Variants in RAP2A observed in about 807,000 individuals in gnomAD.
RAP2A encodes the protein RAP2A, member of RAS oncogene family.
Under a neutral mutation model 15.1 loss-of-function variants are expected in RAP2A, and 5 were observed. The ratio of observed to expected loss-of-function variants is 0.33; its 90% CI spans 0.17 to 0.70. The LOEUF (loss-of-function observed/expected upper bound fraction) is 0.70, where lower values mean the gene tolerates loss of function less well. Among genes scored for constraint, RAP2A ranks in the 30% least tolerant of loss-of-function variants. The probability of loss-of-function intolerance (pLI) is 0.68; values close to 1 mark genes in which losing one functional copy is unlikely to be tolerated. For missense variants in RAP2A, 111 were observed against 240.3 expected, an observed-to-expected ratio of 0.46 and a Z score of 3.56; for synonymous variants, 110 against 99.7, an observed-to-expected ratio of 1.10 and a Z score of -0.62.
intron 1 of RAP2A, among the ~76,000 whole-genome samples, chr13:97,441,570 A>T (rs2153179190): frequency 6.6e-6 from 1 of 152,226 alleles, no homozygotes; most frequent in African/African-American, 2.4e-5. Flanking sequence ...AGTACACTGT[A>T]CTTAAGGGAA....
intron 1 of RAP2A, chr13:97,437,145 T>C (rs1000632234): frequency 6.6e-6 from 1 of 152,246 alleles, no homozygotes; most frequent in Non-Finnish European, 1.5e-5. Context: ...ATGGAATTAA[T>C]TTTAATGTAT....
At chr13:97,462,062 ATATT>A (rs1000349999) in intron 1 of RAP2A, among the ~76,000 whole-genome samples, 8 of 142,590 alleles carry the variant, frequency 5.6e-5, no homozygotes, top group African/African-American at 2.1e-4. Context: ...ATTTATATAT[ATATT>A]TATATATTAT....
chr13:97,457,414 T>G (rs2066727696), intron 1 of RAP2A, among the ~76,000 whole-genome samples: 1 of 152,014 alleles, frequency 6.6e-6, no homozygotes, highest in Non-Finnish European at 1.5e-5. Flanking sequence ...ACAGTTATAG[T>G]TTCTATAAAA....
At chr13:97,459,742 C>G (rs1420693666) in intron 1 of RAP2A, among the ~76,000 whole-genome samples, 1 of 152,210 alleles carries the variant, frequency 6.6e-6, no homozygotes, top group East Asian at 1.9e-4. Flanking sequence ...CTGTGCTCCC[C>G]ACCCACCACC....
intron 1 of RAP2A, among the ~76,000 whole-genome samples, chr13:97,446,712 G>A (rs946977690): frequency 6.6e-6 from 1 of 152,146 alleles, no homozygotes; most frequent in Non-Finnish European, 1.5e-5. Context: ...GGAGAGGCCC[G>A]GAGGCTAGAT....
chr13:97,451,970 T>A (rs1316488499), intron 1 of RAP2A, among the ~76,000 whole-genome samples: 1 of 151,372 alleles, frequency 6.6e-6, no homozygotes, highest in Non-Finnish European at 1.5e-5. Context: ...TTGTCCATTT[T>A]AAAAATTGGA....
chr13:97,455,219 A>G (rs1409639235), intron 1 of RAP2A, among the ~76,000 whole-genome samples: 2 of 151,426 alleles, frequency 1.3e-5, no homozygotes, highest in East Asian at 1.9e-4. Context: ...TTTATCTCAG[A>G]TATTACAGTT....
intron 1 of RAP2A, among the ~76,000 whole-genome samples, chr13:97,457,607 A>G (rs968066952): frequency 1.3e-5 from 2 of 152,052 alleles, no homozygotes; most frequent in African/African-American, 4.8e-5. Flanking sequence ...CATTAATATG[A>G]TACATATTAT....
chr13:97,438,205 A>T (rs187321823), intron 1 of RAP2A, among the ~76,000 whole-genome samples: 2 of 152,196 alleles, frequency 1.3e-5, no homozygotes, highest in Non-Finnish European at 2.9e-5. Flanking sequence ...TGGTCCTGAC[A>T]TGAAGTTCTT....
chr13:97,447,866 C>T (rs928359186), intron 1 of RAP2A, among the ~76,000 whole-genome samples: 3 of 152,176 alleles, frequency 2.0e-5, no homozygotes, highest in South Asian at 2.1e-4. Context: ...ATTCATTGCC[C>T]TTGCCTTCCT....
At chr13:97,459,702 C>T (rs574810639) in intron 1 of RAP2A, among the ~76,000 whole-genome samples, 1 of 152,322 alleles carries the variant, frequency 6.6e-6, no homozygotes, top group African/African-American at 2.4e-5. Context: ...CCAACAAGGC[C>T]TGGGATCATC....
At chr13:97,455,963 G>A (rs2066720988) in intron 1 of RAP2A, among the ~76,000 whole-genome samples, 1 of 151,338 alleles carries the variant, frequency 6.6e-6, no homozygotes, top group African/African-American at 2.4e-5. Context: ...GAGAAAAAGA[G>A]GAGGAAGTAT....
chr13:97,455,017 T>A (rs1409927357), intron 1 of RAP2A, among the ~76,000 whole-genome samples: 1 of 151,398 alleles, frequency 6.6e-6, no homozygotes, highest in Non-Finnish European at 1.5e-5. Context: ...ATGCATTTGT[T>A]TCTTTGGCTG....
chr13:97,448,126 TA>T (rs2153179594), intron 1 of RAP2A, among the ~76,000 whole-genome samples: 1 of 152,294 alleles, frequency 6.6e-6, no homozygotes, highest in South Asian at 2.1e-4. Flanking sequence ...AAGATGGTAT[TA>T]GATATTAGAG....
intron 1 of RAP2A, among the ~76,000 whole-genome samples, chr13:97,438,888 ATTG>A (rs1459059046): frequency 1.3e-5 from 2 of 152,204 alleles, no homozygotes; most frequent in East Asian, 1.9e-4. Context: ...AAGTATTTGT[ATTG>A]TTGTTTGGCC....
At chr13:97,454,956 T>A (rs2066716803) in intron 1 of RAP2A, among the ~76,000 whole-genome samples, 1 of 151,350 alleles carries the variant, frequency 6.6e-6, no homozygotes, top group Non-Finnish European at 1.5e-5. Flanking sequence ...TCTTCTGGCA[T>A]CTGTGGTTTC....
Position 97,434,198 on chromosome 13 carries a change from G to A in RAP2A, c.-273G>A, listed in dbSNP as rs2066621724. 6.8e-6 allele frequency: 1 copy of A among 146,826 alleles called. No homozygotes were observed. Among genetic ancestry groups the A allele is most frequent in the Admixed American group, 6.8e-5 (1 of 14,642 alleles). The allele number at this position is 146,826 out of a possible 1,614,324, so 9.1% of individuals were successfully genotyped here. A position where few individuals can be genotyped will look rare whatever the true frequency, so the allele number is the denominator to read the frequency against. On this transcript the variant is annotated 5_prime_UTR_variant, in exon 1 of 2. Transcript: ENST00000245304. ...CGGGCCCGCGGCTCGGGCGGCACCAGCGGCTCCCGGTCTCTCTCTCTGCTC... is the reference window on the plus strand; with the variant it reads ...CGGGCCCGCGGCTCGGGCGGCACCAACGGCTCCCGGTCTCTCTCTCTGCTC...
chr13:97,452,776 T>TTA (rs1474329770), intron 1 of RAP2A, among the ~76,000 whole-genome samples: 17 of 151,422 alleles, frequency 1.1e-4, no homozygotes, highest in Admixed American at 5.3e-4. Context: ...TAAGTAAATG[T>TTA]TATATATCTT....
intron 1 of RAP2A, chr13:97,441,739 C>T (rs978717924): frequency 1.4e-5 from 6 of 443,786 alleles, no homozygotes; most frequent in Non-Finnish European, 2.7e-5. Flanking sequence ...TTCTTACCTA[C>T]TGTTTTTTTA....
Sources: gnomAD v4.1 joint callset for allele counts (sites outside exome capture counted in the v4.1 genomes callset) on GRCh38, gnomAD v4.1.1 for gene constraint, MANE v1.5 for transcripts, NCBI Gene and HGNC (gene_info 2026-07-23, HGNC 2026-07-21) for gene names.